The following FANCL variants were observed in gnomAD, a reference collection of about 807,000 sequenced individuals.
The protein encoded by FANCL is E3 ubiquitin-protein ligase FANCL.
In FANCL, 69 loss-of-function variants were observed where a neutral mutation model predicts 59.4. The observed-to-expected ratio is 1.16, with a 90% confidence interval of 0.96 to 1.42. The LOEUF is 1.42. FANCL is among the 40% of genes most tolerant of loss of function. The pLI, the probability that FANCL is intolerant of heterozygous loss-of-function variation, is 0.00. For missense variants in FANCL, 519 were observed against 447.2 expected (o/e 1.16, Z -1.45); for synonymous variants, 180 against 147.1 (o/e 1.22, Z -1.62).
rs1205764753 is a variant in FANCL, at chr2:58,162,927, AAC to A, written c.840_841del (p.Leu281ThrfsTer10). On this transcript the variant is annotated frameshift_variant, in exon 11 of 14. Transcript: ENST00000233741. LOFTEE classifies it high-confidence loss of function. ...TTCTAAAACATCTTTCAAATTTTGT[AAC>A]ACACTATTTTCTGGATCCCTGAAAG... 15 of 1,612,944 alleles carry A rather than the reference AAC, an allele frequency of 9.3e-6. No homozygotes were observed. Among genetic ancestry groups the A allele is most frequent in the East Asian group, 2.2e-5 (1 of 44,842 alleles).
chr2:58,161,762 AATT>A (rs1685213004), intron 11 of FANCL, 124 bp from the exon 12 acceptor site: 1 of 678,618 alleles, frequency 1.5e-6, no homozygotes, highest in Admixed American at 2.2e-5. Context: ...ACATCAGGAT[AATT>A]AAGATATTCA....
At chr2:58,218,652 T>C (rs1692087783) in intron 5 of FANCL, among the ~76,000 whole-genome samples, 1 of 151,640 alleles carries the variant, frequency 6.6e-6, no homozygotes, top group African/African-American at 2.4e-5. Context: ...AAGCATTGTA[T>C]AGTTGATAAA....
At position 58,175,685 on chromosome 2, in the gene FANCL, A is replaced by C. The variant is rs570364359; in HGVS notation, c.541-9811T>G. 2.0e-5 allele frequency among the ~76,000 whole-genome samples: 3 copies of C among 152,346 alleles called. No individual in the cohort carries two copies. The East Asian group carries it at 5.8e-4, about 29-fold the overall frequency. On this transcript the variant is annotated intron_variant, in intron 7 of 13. Transcript: ENST00000233741. The stretch of plus-strand genomic sequence containing the variant: ...AAACCCACAGCCAATATCACAGTGA[A>C]TGGGCAAAAACTTGAAGCATTCCCT...
chr2:58,190,791 C>A (rs1392134150), intron 7 of FANCL, among the ~76,000 whole-genome samples: 1 of 151,880 alleles, frequency 6.6e-6, no homozygotes, highest in East Asian at 1.9e-4. Flanking sequence ...GTCTCAGTGT[C>A]TCTACTATTT....
chr2:58,229,707 A>T, intron 3 of FANCL, 107 bp downstream of exon 3: 1 of 849,612 alleles, frequency 1.2e-6, no homozygotes, highest in Admixed American at 2.0e-5. Context: ...CTTAACAACT[A>T]TTAAACCAGT....
rs182605434 is a variant in FANCL, at chr2:58,210,890, G to T, written c.375-6664C>A. On this transcript the variant is annotated intron_variant, in intron 5 of 13. Transcript: ENST00000233741. ...AGAGTTGAGTTCCCATGACCTTGGG[G>T]AGCTAGACCCCTGTGATTTTGCAGG... Among the ~76,000 whole-genome samples, 13 of 152,292 alleles carry T rather than the reference G, an allele frequency of 8.5e-5. No individual in the cohort carries two copies. In the East Asian group the frequency reaches 2.5e-3, roughly 29 times the overall value.
intron 7 of FANCL, chr2:58,194,349 G>A: frequency 2.1e-6 from 1 of 468,604 alleles, no homozygotes; most frequent in Non-Finnish European, 4.4e-6. Flanking sequence ...GCATTCTACA[G>A]TCTCAGTCAA....
chr2:58,204,730 A>C (rs1264173726), intron 5 of FANCL, among the ~76,000 whole-genome samples: 1 of 152,100 alleles, frequency 6.6e-6, no homozygotes, highest in Non-Finnish European at 1.5e-5. Flanking sequence ...CCTCTAAGGA[A>C]AATGCTGTAT....
chr2:58,198,843 A>T (rs926474205), intron 6 of FANCL, among the ~76,000 whole-genome samples, 181 bp from the exon 7 acceptor site: 2 of 152,092 alleles, frequency 1.3e-5, no homozygotes, highest in Non-Finnish European at 2.9e-5. Context: ...TCCTGGCTAT[A>T]CGGTGAAACC....
chr2:58,178,913 T>C (rs1368258382), intron 7 of FANCL, among the ~76,000 whole-genome samples: 10 of 152,064 alleles, frequency 6.6e-5, no homozygotes, highest in Non-Finnish European at 1.5e-4. Flanking sequence ...TGTACAAAAA[T>C]CACAAGCATT....
chr2:58,226,485 C>G lies in FANCL; in HGVS notation c.273+243G>C, dbSNP rs7594702. Among the ~76,000 whole-genome samples the G allele has an allele frequency of 0.31, 47,454 of 152,004 alleles. 11,169 individuals carry two copies. The highest frequency in any genetic ancestry group is 0.67 in the African/African-American group (27,649 of 41,432). On this transcript the variant is annotated intron_variant, in intron 4 of 13. Coordinates refer to ENST00000233741, the MANE Select transcript of FANCL (RefSeq NM_018062.4). Reference sequence around the variant, plus strand: ...GTACATTTTATTTCTTCACCACCTGCCCAACACTAGTGTCAAGAATACCTA... The same window carrying G: ...GTACATTTTATTTCTTCACCACCTGGCCAACACTAGTGTCAAGAATACCTA...
intron 1 of FANCL, among the ~76,000 whole-genome samples, chr2:58,239,216 TA>T (rs1274541634): frequency 6.6e-6 from 1 of 152,184 alleles, no homozygotes; most frequent in African/African-American, 2.4e-5. Context: ...CAAAAGTACT[TA>T]TTAATTACAA....
intron 7 of FANCL, among the ~76,000 whole-genome samples, chr2:58,183,195 G>C (rs1487632728): frequency 6.6e-6 from 1 of 151,074 alleles, no homozygotes; most frequent in Non-Finnish European, 1.5e-5. Context: ...AAATAAAAAT[G>C]AACAGATAAT....
At chr2:58,169,688 C>G (rs983323665) in intron 7 of FANCL, among the ~76,000 whole-genome samples, 1 of 151,604 alleles carries the variant, frequency 6.6e-6, no homozygotes, top group South Asian at 2.1e-4. Flanking sequence ...ACTAAAATAA[C>G]CAGGTTATAG....
intron 7 of FANCL, among the ~76,000 whole-genome samples, chr2:58,169,482 C>T (rs544857257): frequency 6.6e-6 from 1 of 152,128 alleles, no homozygotes; most frequent in South Asian, 2.1e-4. Context: ...ATTCCAAAAA[C>T]CAGAACACCT....
chr2:58,170,850 A>G (rs1379990210), intron 7 of FANCL, among the ~76,000 whole-genome samples: 1 of 152,200 alleles, frequency 6.6e-6, no homozygotes, highest in African/African-American at 2.4e-5. Flanking sequence ...TGCACCCAAT[A>G]CAGAAGCAAC....
chr2:58,236,452 T>C (rs141921354), intron 1 of FANCL, among the ~76,000 whole-genome samples: 212 of 150,828 alleles, frequency 1.4e-3, no homozygotes, highest in African/African-American at 4.9e-3. Flanking sequence ...ATAAACCCTT[T>C]AAGCAACTAG....
chr2:58,198,744 T>C (rs1365681883), intron 6 of FANCL, 82 bp from the exon 7 acceptor site: 5 of 1,142,314 alleles, frequency 4.4e-6, no homozygotes, highest in Admixed American at 3.6e-5. Flanking sequence ...CTAGATGTAT[T>C]AGGGGCCGGG....
intron 1 of FANCL, among the ~76,000 whole-genome samples, chr2:58,234,431 A>G (rs939438324): frequency 6.6e-6 from 1 of 151,866 alleles, no homozygotes; most frequent in African/African-American, 2.4e-5. Flanking sequence ...AAATGTCATA[A>G]AGGGCAAAGA....
Sources: gnomAD v4.1 joint callset for allele counts (sites outside exome capture counted in the v4.1 genomes callset) on GRCh38, gnomAD v4.1.1 for gene constraint, MANE v1.5 for transcripts, NCBI Gene and HGNC (gene_info 2026-07-23, HGNC 2026-07-21) for gene names.